The following PVT1 variants were observed in gnomAD, a reference collection of about 807,000 sequenced individuals.
PVT1 encodes Pvt1 oncogene.
At chr8:128,085,491 C>A (rs898087523) in intron 5 of PVT1, among the ~76,000 whole-genome samples, 12 of 150,864 alleles carry the variant, frequency 8.0e-5, no homozygotes, top group African/African-American at 2.7e-4. Context: ...TGAGAAAAAC[C>A]TTTTTTTTTT....
intron 3 of PVT1, among the ~76,000 whole-genome samples, chr8:127,904,264 G>T (rs960238089): frequency 6.6e-6 from 1 of 151,524 alleles, no homozygotes; most frequent in Non-Finnish European, 1.5e-5. Flanking sequence ...GAGAGTGGGG[G>T]TCTTACTGTA....
At chr8:128,057,099 C>G (rs988256987) in intron 4 of PVT1, among the ~76,000 whole-genome samples, 23 of 152,188 alleles carry the variant, frequency 1.5e-4, no homozygotes, top group African/African-American at 5.6e-4. Flanking sequence ...AACCAGACCA[C>G]CCTGAGCTTC....
chr8:127,961,441 A>C (rs778387004), intron 3 of PVT1, among the ~76,000 whole-genome samples: 35 of 152,286 alleles, frequency 2.3e-4, no homozygotes, highest in Middle Eastern at 3.4e-3. Context: ...AGGCCACTGA[A>C]TAGATTCGGT....
chr8:127,911,649 G>A (rs1377766479), intron 3 of PVT1, among the ~76,000 whole-genome samples: 1 of 152,226 alleles, frequency 6.6e-6, no homozygotes, highest in East Asian at 1.9e-4. Flanking sequence ...GGAAACCGTG[G>A]CCCAGGGAAG....
intron 5 of PVT1, among the ~76,000 whole-genome samples, chr8:128,092,606 G>A (rs1002541066): frequency 6.6e-6 from 1 of 152,190 alleles, no homozygotes; most frequent in African/African-American, 2.4e-5. Context: ...GAACTCCTCA[G>A]TGGGCAAGAT....
chr8:127,872,157 G>A (rs1298645691), intron 2 of PVT1, among the ~76,000 whole-genome samples: 1 of 152,108 alleles, frequency 6.6e-6, no homozygotes, highest in Non-Finnish European at 1.5e-5. Context: ...GCTCATGCCT[G>A]TAATCCCAGC....
At chr8:127,911,921 T>G (rs2129847013) in intron 3 of PVT1, among the ~76,000 whole-genome samples, 1 of 152,290 alleles carries the variant, frequency 6.6e-6, no homozygotes, top group South Asian at 2.1e-4. Flanking sequence ...TCACCACAGG[T>G]TTACGGGTGG....
rs148550052 is a variant in PVT1 at position 127,996,149 on chromosome 8, T to C, written n.912+6858T>C. 5.3e-5 allele frequency among the ~76,000 whole-genome samples: 8 copies of C among 152,252 alleles called. No individual in the cohort carries two copies. In the East Asian group the frequency reaches 1.5e-3, roughly 29 times the overall value. ...TGGGATCCAGGTTTATTTGAGGAGA[T>C]AGGAAAAGCTCCTGATCCAGCAGGT... On this transcript the variant is annotated intron_variant and non_coding_transcript_variant, in intron 4 of 10. Coordinates refer to ENST00000651587, the Ensembl canonical transcript of PVT1.
intron 4 of PVT1, among the ~76,000 whole-genome samples, chr8:128,042,291 T>C (rs1176983750): frequency 6.6e-6 from 1 of 152,246 alleles, no homozygotes; most frequent in Non-Finnish European, 1.5e-5. Flanking sequence ...AAGAACTGTG[T>C]AGGTGGGTTG....
At chr8:127,996,110 C>T (rs986753919) in intron 4 of PVT1, among the ~76,000 whole-genome samples, 1 of 152,172 alleles carries the variant, frequency 6.6e-6, no homozygotes, top group Admixed American at 6.5e-5. Context: ...CACCTTTCTC[C>T]TTTCTGTTCC....
At chr8:127,801,453 C>A (rs1814464427) in intron 2 of PVT1, among the ~76,000 whole-genome samples, 1 of 152,126 alleles carries the variant, frequency 6.6e-6, no homozygotes, top group Non-Finnish European at 1.5e-5. Flanking sequence ...GTTGGCCAGG[C>A]AGGTCTCAAA....
chr8:128,068,330 A>T (rs1279110943), intron 4 of PVT1, among the ~76,000 whole-genome samples: 1 of 151,902 alleles, frequency 6.6e-6, no homozygotes, highest in Non-Finnish European at 1.5e-5. Context: ...TATGCAGAAA[A>T]CTCACTTTAA....
At position 127,841,391 on chromosome 8, in the gene PVT1, A is replaced by G. The variant is rs865888155; in HGVS notation, n.372+45320A>G. Among the ~76,000 whole-genome samples the G allele has an allele frequency of 9.9e-5, 15 of 152,090 alleles. No individual in the cohort carries two copies. In the South Asian group the frequency reaches 1.9e-3, roughly 19 times the overall value. ...CAGGTTCAAGTGATCTTCCCGCCTC[A>G]GCCTCTCAAGTAGCTGGGATTACAG... On this transcript the variant is annotated intron_variant and non_coding_transcript_variant, in intron 2 of 10. Transcript: ENST00000651587.
intron 2 of PVT1, among the ~76,000 whole-genome samples, chr8:127,863,788 C>T (rs1352453631): frequency 6.6e-6 from 1 of 152,178 alleles, no homozygotes; most frequent in East Asian, 1.9e-4. Context: ...TCAGCTTGGA[C>T]CTGGCAGATC....
chr8:127,860,806 G>A (rs926887709), intron 2 of PVT1, among the ~76,000 whole-genome samples: 21 of 74,360 alleles, frequency 2.8e-4, no homozygotes, highest in African/African-American at 6.7e-4. Flanking sequence ...GGCGACAACT[G>A]TGAGCTTTCT....
intron 2 of PVT1, among the ~76,000 whole-genome samples, chr8:127,869,119 A>T (rs1815323650): frequency 6.6e-6 from 1 of 151,874 alleles, no homozygotes; most frequent in African/African-American, 2.4e-5. Flanking sequence ...TGAAGTTGGC[A>T]TTATTATTCT....
At chr8:127,957,852 G>T (rs1816590057) in intron 3 of PVT1, among the ~76,000 whole-genome samples, 1 of 152,216 alleles carries the variant, frequency 6.6e-6, no homozygotes. Flanking sequence ...GGGAGGTGTG[G>T]GTGCACTTTC....
intron 3 of PVT1, among the ~76,000 whole-genome samples, chr8:127,987,431 C>G (rs1400108210): frequency 6.6e-6 from 1 of 152,196 alleles, no homozygotes; most frequent in Non-Finnish European, 1.5e-5. Context: ...TGCTGAGTCC[C>G]TACACTAAGT....
intron 3 of PVT1, among the ~76,000 whole-genome samples, chr8:127,971,431 CAGTT>C (rs1398159229): frequency 6.6e-6 from 1 of 152,248 alleles, no homozygotes; most frequent in African/African-American, 2.4e-5. Context: ...TTGTTTGTGA[CAGTT>C]AGCTTTCAGG....
Sources: allele counts gnomAD v4.1 joint callset (sites outside exome capture counted in the v4.1 genomes callset), GRCh38; gene constraint gnomAD v4.1.1; transcripts MANE v1.5; gene names NCBI Gene and HGNC (gene_info 2026-07-23, HGNC 2026-07-21).